Variants in FGGY observed in about 807,000 individuals in gnomAD.
The protein encoded by FGGY is FGGY carbohydrate kinase domain-containing protein.
In FGGY, 72 loss-of-function variants were observed where a neutral mutation model predicts 71.3. The ratio of observed to expected loss-of-function variants is 1.01; its 90% CI spans 0.84 to 1.23. The LOEUF (loss-of-function observed/expected upper bound fraction) is 1.23, where lower values mean the gene tolerates loss of function less well. Ranked by LOEUF, FGGY falls within the 50% of genes most tolerant of loss-of-function variation. The pLI, the probability that FGGY is intolerant of heterozygous loss-of-function variation, is 0.00. For synonymous variants in FGGY, 251 were observed against 250.3 expected, an observed-to-expected ratio of 1.00 and a Z score of -0.02; for missense variants, 668 against 682.3, an observed-to-expected ratio of 0.98 and a Z score of 0.23.
chr1:59,497,190 C>A (rs982635140), intron 6 of FGGY, among the ~76,000 whole-genome samples: 1 of 152,202 alleles, frequency 6.6e-6, no homozygotes, highest in African/African-American at 2.4e-5. Flanking sequence ...AAACATCCCA[C>A]ATCATCATCC....
At chr1:59,540,027 G>C (rs2095415097) in intron 7 of FGGY, among the ~76,000 whole-genome samples, 1 of 152,174 alleles carries the variant, frequency 6.6e-6, no homozygotes, top group East Asian at 1.9e-4. Context: ...GTCCAGCCTT[G>C]TTAGTCATTA....
intron 7 of FGGY, among the ~76,000 whole-genome samples, chr1:59,530,964 C>T (rs958251320): frequency 4.6e-5 from 7 of 152,122 alleles, no homozygotes; most frequent in African/African-American, 9.7e-5. Flanking sequence ...CCAGAACTGA[C>T]GCAGTTCCAA....
chr1:59,518,616 A>G (rs2094729063), intron 7 of FGGY, among the ~76,000 whole-genome samples: 1 of 152,160 alleles, frequency 6.6e-6, no homozygotes, highest in Non-Finnish European at 1.5e-5. Context: ...TGCTGTTCTC[A>G]TGATAGTGCA....
chr1:59,633,044 A>T (rs2153873561), intron 10 of FGGY, among the ~76,000 whole-genome samples: 1 of 137,916 alleles, frequency 7.3e-6, no homozygotes, highest in Admixed American at 8.1e-5. Context: ...GGAGTCTCGC[A>T]CTTTCACCCA....
At position 59,607,855 on chromosome 1, in the gene FGGY, C is replaced by G; in HGVS notation, c.956C>G (p.Ala319Gly). 1 of 1,614,072 alleles carries G rather than the reference C, an allele frequency of 6.2e-7. No individual in the cohort carries two copies. The highest frequency in any genetic ancestry group is 8.5e-7 in the Non-Finnish European group (1 of 1,179,972). Residue 319 changes from alanine (A) to glycine (G), a missense_variant, in exon 9 of 16, where the codon GCC (alanine) becomes GGC (glycine). Coordinates refer to ENST00000303721, the MANE Select transcript of FGGY (RefSeq NM_018291.5). ...GGCGTCTGGGGGCCTTATTTCTCAGCCATGGTACCTGGGTTCTGGCTGAAT... is the reference window on the plus strand; with the variant it reads ...GGCGTCTGGGGGCCTTATTTCTCAGGCATGGTACCTGGGTTCTGGCTGAAT... ...VPGVWGPYFS[A>G]MVPGFWLNEG... is the part of the protein sequence containing the mutation.
chr1:59,644,300 ATT>A (rs1169000192), intron 11 of FGGY, among the ~76,000 whole-genome samples: 4 of 151,902 alleles, frequency 2.6e-5, no homozygotes, highest in African/African-American at 9.7e-5. Context: ...TGATAGTATC[ATT>A]TTCTTTTTGT....
chr1:59,462,704 A>G (rs1207956345), intron 6 of FGGY, among the ~76,000 whole-genome samples: 1 of 152,244 alleles, frequency 6.6e-6, no homozygotes, highest in Admixed American at 6.5e-5. Context: ...CACACATGAA[A>G]AAATGCTCAT....
chr1:59,398,029 T>G (rs1384025241), intron 5 of FGGY, among the ~76,000 whole-genome samples: 1 of 152,164 alleles, frequency 6.6e-6, no homozygotes, highest in Non-Finnish European at 1.5e-5. Context: ...CTAATTTTGT[T>G]TCTCCAGGAC....
At chr1:59,730,079 C>G (rs1162799920) in intron 14 of FGGY, among the ~76,000 whole-genome samples, 1 of 152,128 alleles carries the variant, frequency 6.6e-6, no homozygotes, top group Admixed American at 6.5e-5. Flanking sequence ...GACTGTTACC[C>G]TCAGGAGTTG....
intron 6 of FGGY, among the ~76,000 whole-genome samples, chr1:59,466,236 C>G (rs375712825): frequency 3.5e-4 from 53 of 152,192 alleles, no homozygotes; most frequent in African/African-American, 1.0e-3. Flanking sequence ...ACAAACCTGA[C>G]AAAAACAAGA....
intron 9 of FGGY, among the ~76,000 whole-genome samples, chr1:59,624,139 A>C (rs1448467243): frequency 6.7e-6 from 1 of 149,484 alleles, no homozygotes; most frequent in Non-Finnish European, 1.5e-5. Flanking sequence ...TTTTTTTTTC[A>C]TTGAAATGAC....
chr1:59,558,445 A>G (rs578172196), intron 8 of FGGY, among the ~76,000 whole-genome samples: 7 of 152,298 alleles, frequency 4.6e-5, no homozygotes, highest in African/African-American at 1.2e-4. Context: ...CAGTAGGACC[A>G]TGATGCCCAC....
chr1:59,748,450 T>C (rs1055906199), intron 14 of FGGY, among the ~76,000 whole-genome samples: 3 of 152,146 alleles, frequency 2.0e-5, no homozygotes, highest in Non-Finnish European at 4.4e-5. Context: ...TCAAAGATCC[T>C]GGAGAAGACC....
At chr1:59,533,341 G>C (rs2095213898) in intron 7 of FGGY, among the ~76,000 whole-genome samples, 1 of 152,236 alleles carries the variant, frequency 6.6e-6, no homozygotes. Flanking sequence ...ACCTGGCTCG[G>C]AGGGTCCTAC....
At position 59,501,921 on chromosome 1, in the gene FGGY, G is replaced by A. The variant is rs577543099; in HGVS notation, c.671-10390G>A. Among the ~76,000 whole-genome samples, 212 of 152,226 alleles carry A rather than the reference G, an allele frequency of 1.4e-3. 1 individual carries two copies. Among genetic ancestry groups the A allele is most frequent in the African/African-American group, 4.9e-3 (202 of 41,530 alleles). ...GCTGAGTACCCTCTGTGTGTCAGGC[G>A]ATGTCCAATACACTGGGAATAGGGA... is the stretch of plus-strand genomic sequence containing the variant. On this transcript the variant is annotated intron_variant, in intron 6 of 15. Coordinates refer to ENST00000303721, the MANE Select transcript of FGGY (RefSeq NM_018291.5).
chr1:59,401,478 A>G (rs941872071), intron 5 of FGGY, among the ~76,000 whole-genome samples: 11 of 152,228 alleles, frequency 7.2e-5, no homozygotes, highest in African/African-American at 2.2e-4. Context: ...AATGCCAGAG[A>G]CAGACCAAAG....
intron 1 of FGGY, among the ~76,000 whole-genome samples, chr1:59,299,295 T>A (rs567822308): frequency 9.9e-5 from 15 of 152,280 alleles, no homozygotes; most frequent in African/African-American, 2.9e-4. Flanking sequence ...AAAAATCACC[T>A]GACAGGAGGC....
Position 59,674,131 on chromosome 1 carries a change from C to T in FGGY, c.1510C>T (p.Gln504Ter), listed in dbSNP as rs768874789. The T allele has an allele frequency of 8.7e-6, 14 of 1,613,330 alleles. No homozygotes were observed. The Admixed American group carries it at 2.0e-4, about 23-fold the overall frequency. Residue 504 changes from glutamine (Q) to a stop codon, truncating the protein, a stop_gained and splice_region_variant, in exon 14 of 16, where the codon CAG becomes TAG. Coordinates refer to ENST00000303721, the MANE Select transcript of FGGY (RefSeq NM_018291.5). LOFTEE classifies it high-confidence loss of function. ...ACASGDFASV[Q>*]EAMAKMSKVG... Reference sequence around the variant, plus strand: ...TGCCTCAGGGGATTTCGCTTCTGTACAGGTATGTGAAGACCAGGGGGTGGG... The same window carrying T: ...TGCCTCAGGGGATTTCGCTTCTGTATAGGTATGTGAAGACCAGGGGGTGGG...
chr1:59,749,277 G>T (rs568003935), intron 14 of FGGY, among the ~76,000 whole-genome samples: 1 of 152,136 alleles, frequency 6.6e-6, no homozygotes, highest in Non-Finnish European at 1.5e-5. Flanking sequence ...CAAGCCTTGG[G>T]GGGTGGAGTT....
Sources: allele counts gnomAD v4.1 joint callset (sites outside exome capture counted in the v4.1 genomes callset), GRCh38; gene constraint gnomAD v4.1.1; transcripts MANE v1.5; gene names NCBI Gene and HGNC (gene_info 2026-07-23, HGNC 2026-07-21).